Variants in SCN9A observed in about 807,000 individuals in gnomAD.
SCN9A encodes the protein sodium voltage-gated channel alpha subunit 9.
SCN9A carries 131 observed loss-of-function variants against 187.0 expected under a neutral mutation model. The observed-to-expected ratio is 0.70, with a 90% CI of 0.61 to 0.81. The LOEUF (loss-of-function observed/expected upper bound fraction) is 0.81. Ranked by LOEUF, SCN9A falls within the 30% of genes least tolerant of loss-of-function variation. The pLI is 0.00. For missense variants in SCN9A, 2,252 were observed against 2,396.6 expected, an observed-to-expected ratio of 0.94 and a Z score of 1.26; for synonymous variants, 809 against 808.6, an observed-to-expected ratio of 1.00 and a Z score of -0.01.
rs756907635 is a variant in SCN9A at position 166,272,419 on chromosome 2, C to G, written c.3331G>C (p.Asp1111His). ...MNAEELSSDS[D>H]SEYSKVRLNR... is the part of the protein sequence containing the mutation. The stretch of plus-strand genomic sequence containing the variant: ...CTTACCACTTTGCTGTATTCACTAT[C>G]CGAATCACTGCTAAGTTCCTCAGCA... Residue 1111 changes from aspartate (D) to histidine (H), a missense_variant, in exon 17 of 27, where the codon GAT becomes CAT. By Grantham distance (81) the Asp-to-His change is moderately conservative. Transcript: ENST00000642356. The G allele has an allele frequency of 6.3e-7, 1 of 1,597,132 alleles. No individual in the cohort carries two copies. Among genetic ancestry groups the G allele is most frequent in the South Asian group, 1.1e-5 (1 of 88,896 alleles).
At chr2:166,289,738 G>C (rs1255989397) in intron 9 of SCN9A, among the ~76,000 whole-genome samples, 1 of 151,908 alleles carries the variant, frequency 6.6e-6, no homozygotes, top group East Asian at 1.9e-4. Flanking sequence ...CACACTGGTT[G>C]AACTAATTTA....
rs577440102 is a variant in SCN9A at position 166,317,823 on chromosome 2, G to A, written c.-50-6017C>T. ...AGTAAAAACAAAGATGTACAGTGGC[G>A]AAATGTTAGATAATATCACTAAAAA... is the stretch of plus-strand genomic sequence containing the variant. On this transcript the variant is annotated intron_variant, in intron 1 of 26. Transcript: ENST00000642356. Among the ~76,000 whole-genome samples, 205 of 152,166 alleles carry A rather than the reference G, an allele frequency of 1.3e-3. 3 individuals are homozygous for A. In the South Asian group the frequency reaches 0.041, roughly 31 times the overall value.
intron 19 of SCN9A, 133 bp downstream of exon 19, chr2:166,242,369 A>C: frequency 2.8e-6 from 2 of 711,096 alleles, no homozygotes; most frequent in Admixed American, 3.2e-5. Context: ...AGCTCAAGTA[A>C]AATTTTGTCA....
intron 1 of SCN9A, among the ~76,000 whole-genome samples, chr2:166,347,059 C>G (rs537315654): frequency 2.0e-5 from 3 of 152,260 alleles, no homozygotes; most frequent in Non-Finnish European, 2.9e-5. Flanking sequence ...TGACATCTGC[C>G]TTGTCCACTT....
chr2:166,312,293 T>C (rs542504451), intron 1 of SCN9A, among the ~76,000 whole-genome samples: 2 of 152,162 alleles, frequency 1.3e-5, no homozygotes, highest in Non-Finnish European at 2.9e-5. Flanking sequence ...ACGAAACCAC[T>C]TTCTTTGCTT....
At chr2:166,314,661 A>G (rs1437733543) in intron 1 of SCN9A, among the ~76,000 whole-genome samples, 4 of 152,346 alleles carry the variant, frequency 2.6e-5, no homozygotes, top group African/African-American at 9.6e-5. Context: ...ATGTTACAAC[A>G]TGGATGTGAT....
At chr2:166,322,511 T>C (rs1287012606) in intron 1 of SCN9A, among the ~76,000 whole-genome samples, 2 of 152,090 alleles carry the variant, frequency 1.3e-5, no homozygotes, top group African/African-American at 2.4e-5. Context: ...CGAAGAGTGG[T>C]TTAGATTGTG....
intron 1 of SCN9A, among the ~76,000 whole-genome samples, chr2:166,339,818 C>A (rs1307966197): frequency 6.6e-6 from 1 of 151,996 alleles, no homozygotes; most frequent in African/African-American, 2.4e-5. Flanking sequence ...TAGATGAGAA[C>A]CTTAGTGTAG....
intron 9 of SCN9A, among the ~76,000 whole-genome samples, chr2:166,292,340 C>T (rs1314559396): frequency 6.6e-6 from 1 of 151,684 alleles, no homozygotes; most frequent in Non-Finnish European, 1.5e-5. Context: ...TAAGTCTTAC[C>T]TCTGATGAAA....
intron 24 of SCN9A, among the ~76,000 whole-genome samples, chr2:166,210,226 C>T (rs2106357139): frequency 6.6e-6 from 1 of 152,094 alleles, no homozygotes; most frequent in African/African-American, 2.4e-5. Flanking sequence ...AAACACTGCA[C>T]TTTCTCACTC....
intron 1 of SCN9A, among the ~76,000 whole-genome samples, chr2:166,356,008 T>C (rs1025108865): frequency 6.6e-6 from 1 of 152,262 alleles, no homozygotes; most frequent in Admixed American, 6.5e-5. Flanking sequence ...CTTGACCTTG[T>C]GATCTGCCCG....
chr2:166,340,344 T>A (rs1699732699), intron 1 of SCN9A, among the ~76,000 whole-genome samples: 1 of 152,212 alleles, frequency 6.6e-6, no homozygotes, highest in Admixed American at 6.5e-5. Context: ...TCCACATTGA[T>A]TGCAAAACTA....
At chr2:166,362,262 A>G (rs977035435) in intron 1 of SCN9A, among the ~76,000 whole-genome samples, 2 of 152,040 alleles carry the variant, frequency 1.3e-5, no homozygotes, top group Non-Finnish European at 2.9e-5. Context: ...ATGTTCATAG[A>G]TATGACTTCC....
At chr2:166,290,773 A>G (rs1276625672) in intron 9 of SCN9A, among the ~76,000 whole-genome samples, 1 of 152,084 alleles carries the variant, frequency 6.6e-6, no homozygotes, top group Admixed American at 6.6e-5. Context: ...AGGCTGGTTC[A>G]ATATATGCAA....
In SCN9A at chr2:166,234,083, CA is replaced by C. The variant is rs2106396774; in HGVS notation, c.3802-622del. Among the ~76,000 whole-genome samples the C allele has an allele frequency of 2.6e-5, 4 of 152,116 alleles. No individual in the cohort carries two copies. The South Asian group carries it at 8.3e-4, about 32-fold the overall frequency. ...TAGCTGATCTCATTGGCTTCACAAT[CA>C]ATATAGATATAATAAGAGCTTCATC... On this transcript the variant is annotated intron_variant, in intron 20 of 26. Coordinates refer to ENST00000642356, the MANE Select transcript of SCN9A (RefSeq NM_001365536.1).
At chr2:166,315,209 G>A (rs1699079552) in intron 1 of SCN9A, among the ~76,000 whole-genome samples, 1 of 152,148 alleles carries the variant, frequency 6.6e-6, no homozygotes, top group South Asian at 2.1e-4. Flanking sequence ...TGTGGCTCTT[G>A]AAGAAAAGTT....
At chr2:166,232,636 A>G (rs567855499) in intron 21 of SCN9A, among the ~76,000 whole-genome samples, 31 of 151,900 alleles carry the variant, frequency 2.0e-4, no homozygotes, top group African/African-American at 7.5e-4. Flanking sequence ...AAAGTCACTC[A>G]TTTGGATCAT....
At chr2:166,220,994 C>G (rs1694560788) in intron 24 of SCN9A, among the ~76,000 whole-genome samples, 1 of 152,004 alleles carries the variant, frequency 6.6e-6, no homozygotes, top group African/African-American at 2.4e-5. Flanking sequence ...ATACAAAAAT[C>G]ACCTGCGTTT....
chr2:166,298,909 T>C (rs6754023), intron 7 of SCN9A: 57,653 of 151,840 alleles, frequency 0.38, 10,976 homozygotes, highest in Non-Finnish European at 0.4. Context: ...GATATGACCA[T>C]ATATATAATG....
Sources: allele counts gnomAD v4.1 joint callset (sites outside exome capture counted in the v4.1 genomes callset), GRCh38; gene constraint gnomAD v4.1.1; transcripts MANE v1.5; gene names NCBI Gene and HGNC (gene_info 2026-07-23, HGNC 2026-07-21).